Variants in ZGPAT observed in about 807,000 individuals in gnomAD.
ZGPAT encodes zinc finger CCCH-type with G patch domain-containing protein.
In ZGPAT, 39 loss-of-function variants were observed where a neutral mutation model predicts 47.9. The observed-to-expected ratio is 0.81, with a 90% CI of 0.63 to 1.06. ZGPAT has a LOEUF of 1.06. Among genes scored for constraint, ZGPAT ranks in the 50% least tolerant of loss-of-function variants. The probability of loss-of-function intolerance (pLI) is 0.00; values close to 1 mark genes in which losing one functional copy is unlikely to be tolerated. For missense variants in ZGPAT, 717 were observed against 681.4 expected (o/e 1.05, Z -0.58); for synonymous variants, 348 against 292.9 (o/e 1.19, Z -1.92).
chr20:63,733,093 T>G (rs974981591), intron 2 of ZGPAT, 126 bp from the exon 3 acceptor site: 1 of 1,241,110 alleles, frequency 8.1e-7, no homozygotes, highest in Non-Finnish European at 1.1e-6. Context: ...AGAGTGTGTA[T>G]GTATACGCAC....
intron 2 of ZGPAT, among the ~76,000 whole-genome samples, chr20:63,710,521 C>T (rs897217918): frequency 6.6e-6 from 1 of 152,158 alleles, no homozygotes; most frequent in Non-Finnish European, 1.5e-5. Context: ...CAAACATACC[C>T]CAAATTAGAG....
At chr20:63,721,288 G>A (rs2091784801) in intron 2 of ZGPAT, among the ~76,000 whole-genome samples, 1 of 151,776 alleles carries the variant, frequency 6.6e-6, no homozygotes, top group South Asian at 2.1e-4. Context: ...GGGGGCGGAG[G>A]TTGCAGTGAG....
At chr20:63,712,002 A>G (rs1018023175) in intron 2 of ZGPAT, among the ~76,000 whole-genome samples, 1 of 152,226 alleles carries the variant, frequency 6.6e-6, no homozygotes, top group African/African-American at 2.4e-5. Flanking sequence ...ATGCACAAAC[A>G]TTTTAAATTT....
chr20:63,733,051 TGTGC>T (rs2091938314), intron 2 of ZGPAT, among the ~76,000 whole-genome samples, 164 bp from the exon 3 acceptor site: 1 of 151,648 alleles, frequency 6.6e-6, no homozygotes, highest in Admixed American at 6.6e-5. Context: ...TGTGTGTATG[TGTGC>T]GTGTGTATGT....
At chr20:63,718,623 C>T (rs796866838) in intron 2 of ZGPAT, among the ~76,000 whole-genome samples, 3 of 144,490 alleles carry the variant, frequency 2.1e-5, no homozygotes, top group African/African-American at 7.8e-5. Flanking sequence ...GCCCAGCCCC[C>T]AATTTTTTTT....
chr20:63,731,888 T>C (rs1300285462), intron 2 of ZGPAT, among the ~76,000 whole-genome samples: 1 of 152,262 alleles, frequency 6.6e-6, no homozygotes, highest in Non-Finnish European at 1.5e-5. Context: ...TATTAGGTAC[T>C]GCAAGTAATC....
rs796342319 is a variant in ZGPAT, at chr20:63,730,937, T to G, written c.585-2282T>G. Among the ~76,000 whole-genome samples, 290 of 72,786 alleles carry G rather than the reference T, an allele frequency of 4.0e-3. 2 individuals are homozygous for G. The highest frequency in any genetic ancestry group is 0.028 in the African/African-American group (279 of 9,884). 47.8% of individuals were successfully genotyped at this position (72,786 alleles called of 152,430 possible). Reference sequence around the variant, plus strand: ...TTCCTCTTCATTCTCTCTCTCTCTCTCTCTCTCTCTCTCTCTCTCTCTCTC... The same window carrying G: ...TTCCTCTTCATTCTCTCTCTCTCTCGCTCTCTCTCTCTCTCTCTCTCTCTC... On this transcript the variant is annotated intron_variant, in intron 2 of 6. Coordinates refer to ENST00000355969, the MANE Select transcript of ZGPAT (RefSeq NM_181485.3).
chr20:63,734,817 T>C lies in ZGPAT; in HGVS notation c.984T>C (p.Phe328=). 1 of 1,595,002 alleles carries C rather than the reference T, an allele frequency of 6.3e-7. No individual in the cohort carries two copies. The highest frequency in any genetic ancestry group is 8.5e-7 in the Non-Finnish European group (1 of 1,169,890). The change falls in exon 5 of 7, where the codon TTT becomes TTC. Residue 328 remains phenylalanine (F), a synonymous_variant. Coordinates refer to ENST00000355969, the MANE Select transcript of ZGPAT (RefSeq NM_181485.3). Reference sequence around the variant, plus strand: ...TCCTCACCAAGATGGGCTATGAGTTTGGCAAGGGTGAGTACAAGCTGCCCT... The same window carrying C: ...TCCTCACCAAGATGGGCTATGAGTTCGGCAAGGGTGAGTACAAGCTGCCCT... The part of the protein sequence containing the change: ...SRLLTKMGYE[F]GKGLGRHAEG...
intron 4 of ZGPAT, chr20:63,734,010 C>T (rs1208811560): frequency 1.1e-5 from 5 of 457,672 alleles, no homozygotes; most frequent in African/African-American, 2.0e-5. Context: ...CTGGAGTTGC[C>T]GAGGAAGTCA....
intron 2 of ZGPAT, among the ~76,000 whole-genome samples, 164 bp downstream of exon 2, chr20:63,709,328 C>A (rs911172427): frequency 6.6e-6 from 1 of 152,180 alleles, no homozygotes; most frequent in African/African-American, 2.4e-5. Context: ...CGTCTTCCTT[C>A]TGGGGTGAAT....
intron 2 of ZGPAT, among the ~76,000 whole-genome samples, chr20:63,725,296 A>G (rs906177341): frequency 3.9e-5 from 6 of 152,216 alleles, no homozygotes; most frequent in Non-Finnish European, 1.5e-5. Flanking sequence ...AATTTCTTGT[A>G]GGACAGGCTT....
chr20:63,710,843 T>C (rs551020995), intron 2 of ZGPAT, among the ~76,000 whole-genome samples: 3 of 152,340 alleles, frequency 2.0e-5, no homozygotes, highest in East Asian at 1.9e-4. Flanking sequence ...TATTCAAATA[T>C]GAACAATTAT....
intron 2 of ZGPAT, 90 bp downstream of exon 2, chr20:63,709,254 C>G: frequency 6.9e-7 from 1 of 1,455,354 alleles, no homozygotes; most frequent in Non-Finnish European, 9.5e-7. Context: ...CTTTGCTTTG[C>G]AGTTTTGTCT....
intron 2 of ZGPAT, among the ~76,000 whole-genome samples, chr20:63,732,735 T>C (rs1432260369): frequency 6.6e-6 from 1 of 151,728 alleles, no homozygotes; most frequent in East Asian, 1.9e-4. Flanking sequence ...TATGTGTATG[T>C]CTGTATATGT....
chr20:63,708,438 T>A, intron 1 of ZGPAT, 115 bp from the exon 2 acceptor site: 2 of 719,820 alleles, frequency 2.8e-6, no homozygotes, highest in Non-Finnish European at 4.5e-6. Flanking sequence ...CTGGGAGCTG[T>A]GCCTCTGAGC....
intron 2 of ZGPAT, among the ~76,000 whole-genome samples, chr20:63,730,970 C>CTCTCTCTCTCTGTGTG (rs1237935541): frequency 1.7e-5 from 2 of 115,164 alleles, no homozygotes; most frequent in Non-Finnish European, 3.4e-5. Context: ...CTCTCTCTCT[C>CTCTCTCTCTCTGTGTG]TGTGTGTGTG....
chr20:63,725,812 ATTAT>A (rs548225718), intron 2 of ZGPAT, among the ~76,000 whole-genome samples: 20 of 126,310 alleles, frequency 1.6e-4, no homozygotes, highest in African/African-American at 3.8e-4. Flanking sequence ...CTCAAACTGG[ATTAT>A]TTATTTATTT....
chr20:63,735,898 C>A lies in ZGPAT; in HGVS notation c.1515C>A (p.His505Gln), dbSNP rs2091985440. Residue 505 changes from histidine (H) to glutamine (Q), a missense_variant, in exon 7 of 7, where the codon CAC becomes CAA. By Grantham distance (24) the His-to-Gln change is conservative. Transcript: ENST00000355969. ...LQQEQRKADT[H>Q]KKMTEF ...AGGAGCAGAGGAAGGCAGACACCCACAAGAAGATGACTGAGTTCTAGAGAC... is the reference window on the plus strand; with the variant it reads ...AGGAGCAGAGGAAGGCAGACACCCAAAAGAAGATGACTGAGTTCTAGAGAC... 2 of 1,612,732 alleles carry A rather than the reference C, an allele frequency of 1.2e-6. No homozygotes were observed. Among genetic ancestry groups the A allele is most frequent in the South Asian group, 1.1e-5 (1 of 91,038 alleles).
intron 2 of ZGPAT, among the ~76,000 whole-genome samples, chr20:63,728,327 C>T (rs1472641898): frequency 2.6e-5 from 4 of 152,156 alleles, no homozygotes; most frequent in African/African-American, 7.2e-5. Flanking sequence ...TGAGCCACCA[C>T]GCACGGCCTT....
Sources: gnomAD v4.1 joint callset for allele counts (sites outside exome capture counted in the v4.1 genomes callset) on GRCh38, gnomAD v4.1.1 for gene constraint, MANE v1.5 for transcripts, NCBI Gene and HGNC (gene_info 2026-07-23, HGNC 2026-07-21) for gene names.